EIF2D: variants seen among roughly 807,000 people sequenced by gnomAD.
The protein encoded by EIF2D is eukaryotic translation initiation factor 2D, also known as hepatocellular carcinoma-associated antigen 56.
EIF2D carries 56 observed loss-of-function variants against 77.4 expected under a neutral mutation model. That is an observed-to-expected ratio of 0.72 (90% CI 0.58 to 0.90). The LOEUF is 0.90. Among genes scored for constraint, EIF2D ranks in the 40% least tolerant of loss-of-function variants. The pLI, the probability that EIF2D is intolerant of heterozygous loss-of-function variation, is 0.00. For synonymous variants in EIF2D, 230 were observed against 271.0 expected (o/e 0.85, Z 1.49); for missense variants, 574 against 706.5 (o/e 0.81, Z 2.13).
intron 7 of EIF2D, chr1:206,600,781 T>C (rs1553411160): frequency 6.4e-6 from 1 of 155,454 alleles, no homozygotes; most frequent in East Asian, 1.9e-4. Flanking sequence ...AGGCCTGGAG[T>C]GGGGCCCAGC....
chr1:206,576,353 A>C (rs1668657932), intron 4 of EIF2D, among the ~76,000 whole-genome samples: 2 of 152,292 alleles, frequency 1.3e-5, no homozygotes, highest in South Asian at 4.1e-4. Context: ...GAGTCACAGA[A>C]CCAGGGGGTG....
At chr1:206,580,500 G>A (rs1324653097) in intron 4 of EIF2D, among the ~76,000 whole-genome samples, 1 of 152,206 alleles carries the variant, frequency 6.6e-6, no homozygotes, top group Non-Finnish European at 1.5e-5. Context: ...AGGTATAGGG[G>A]TAGGGCCAGG....
intron 2 of EIF2D, among the ~76,000 whole-genome samples, chr1:206,610,524 A>T (rs369672280): frequency 6.6e-6 from 1 of 151,090 alleles, no homozygotes; most frequent in African/African-American, 2.4e-5. Flanking sequence ...GTCTCTAAAA[A>T]ATATATATAT....
chr1:206,594,942 A>C (rs1669576251), intron 13 of EIF2D: 1 of 152,202 alleles, frequency 6.6e-6, no homozygotes, highest in Non-Finnish European at 1.5e-5. Context: ...TTGAGAACCA[A>C]GTATTTATAT....
At chr1:206,595,951 G>A in intron 12 of EIF2D, 113 bp from the exon 13 acceptor site, 1 of 1,424,780 alleles carries the variant, frequency 7.0e-7, no homozygotes, top group Non-Finnish European at 9.6e-7. Context: ...CCACAACCTT[G>A]GCTGCACATT....
At chr1:206,596,309 A>G (rs1189241981) in intron 12 of EIF2D, among the ~76,000 whole-genome samples, 1 of 152,254 alleles carries the variant, frequency 6.6e-6, no homozygotes, top group Non-Finnish European at 1.5e-5. Context: ...GCTATCACAT[A>G]TATCAGGATC....
At chr1:206,589,207 A>G, downstream of EIF2D, 1 of 152,578 alleles carries the variant, frequency 6.6e-6, no homozygotes, top group South Asian at 2.1e-4. Context: ...TTTCCAGGAT[A>G]TTTTCTTTTT....
intron 5 of EIF2D, chr1:206,603,544 T>C: frequency 4.6e-6 from 1 of 217,694 alleles, no homozygotes; most frequent in Non-Finnish European, 9.1e-6. Flanking sequence ...TTCATCTGAG[T>C]TAATAACAAA....
rs370090568 is a variant in EIF2D, at chr1:206,575,188, A to G, written c.*255-2489T>C. 5.3e-5 allele frequency among the ~76,000 whole-genome samples: 8 copies of G among 152,198 alleles called. No individual in the cohort carries two copies. The East Asian group carries it at 9.6e-4, about 18-fold the overall frequency. On this transcript the variant is annotated intron_variant and NMD_transcript_variant, in intron 4 of 5. Transcript: ENST00000472709. ...CTGCCCCTTGCCTGCAGACGTTCCCATCTAGGGCAAGCACAACAGAAGCAC... is the reference window on the plus strand; with the variant it reads ...CTGCCCCTTGCCTGCAGACGTTCCCGTCTAGGGCAAGCACAACAGAAGCAC...
intron 11 of EIF2D, among the ~76,000 whole-genome samples, chr1:206,597,757 CA>C (rs1387184721): frequency 1.3e-5 from 2 of 152,058 alleles, no homozygotes; most frequent in Non-Finnish European, 2.9e-5. Context: ...CTAGCCTGGC[CA>C]ACATGGTGAA....
intron 12 of EIF2D, 149 bp from the exon 13 acceptor site, chr1:206,595,987 T>C: frequency 1.8e-6 from 2 of 1,121,380 alleles, no homozygotes; most frequent in South Asian, 3.0e-5. Flanking sequence ...CCTAGGGAGC[T>C]ACAGCCCAGA....
At chr1:206,588,399 ATAAAT>A (rs1669216591), downstream of EIF2D, 2 of 152,366 alleles carry the variant, frequency 1.3e-5, no homozygotes, top group Non-Finnish European at 1.5e-5. Context: ...GAATCCTAAA[ATAAAT>A]TAGTCAAAAA....
chr1:206,611,684 G>A, intron 1 of EIF2D, among the ~76,000 whole-genome samples: 1 of 152,102 alleles, frequency 6.6e-6, no homozygotes, highest in East Asian at 1.9e-4. Flanking sequence ...CTAGCCCTTG[G>A]GCCCACTCCT....
At chr1:206,583,867 C>T (rs1668992496) in intron 2 of EIF2D, among the ~76,000 whole-genome samples, 1 of 152,188 alleles carries the variant, frequency 6.6e-6, no homozygotes, top group Non-Finnish European at 1.5e-5. Context: ...CTGCTGGTGG[C>T]TGGCATCAGC....
chr1:206,611,934 TGGTATCCCATCCGATCTCTCCC>T (rs1670515866), intron 1 of EIF2D, among the ~76,000 whole-genome samples: 1 of 152,226 alleles, frequency 6.6e-6, no homozygotes, highest in African/African-American at 2.4e-5. Flanking sequence ...TTTTAATTCT[TGGTATCCCATCCGATCTCTCCC>T]AAGGGGCATT....
At chr1:206,585,583 A>G (rs1158987579) in intron 2 of EIF2D, 4 of 253,736 alleles carry the variant, frequency 1.6e-5, no homozygotes, top group Admixed American at 5.0e-5. Context: ...GGACCAAGAA[A>G]CTCCCTGTGC....
In EIF2D at chr1:206,584,778, T is replaced by C. The variant is rs1026822249; in HGVS notation, c.139-3616A>G. The C allele has an allele frequency of 4.3e-6, 6 of 1,382,790 alleles. No homozygotes were observed. In the Admixed American group the frequency reaches 7.9e-5, roughly 18 times the overall value. 85.7% of individuals were successfully genotyped at this position (1,382,790 alleles called of 1,614,324 possible). A position where few individuals can be genotyped will look rare whatever the true frequency, so the allele number is the denominator to read the frequency against. On this transcript the variant is annotated intron_variant and NMD_transcript_variant, in intron 2 of 5. Transcript: ENST00000472709. This position sits in a 1 kb window ranked among gnomAD's most constrained non-coding sequence, Gnocchi z 4.9. The stretch of plus-strand genomic sequence containing the variant: ...TCCTGCCGGCCTTGGGTGGGAGCTG[T>C]GGGCTTCTCCTGAGCACCAGGGGTC...
At chr1:206,606,464 T>A (rs1670206866) in intron 4 of EIF2D, among the ~76,000 whole-genome samples, 1 of 151,970 alleles carries the variant, frequency 6.6e-6, no homozygotes, top group Non-Finnish European at 1.5e-5. Flanking sequence ...CCACAAACCA[T>A]CCATAGCTCC....
intron 4 of EIF2D, among the ~76,000 whole-genome samples, chr1:206,580,329 C>A (rs901172400): frequency 6.6e-6 from 1 of 152,140 alleles, no homozygotes; most frequent in East Asian, 1.9e-4. Context: ...GAGATCTTTC[C>A]GAAGCTTCTA....
Sources: gnomAD v4.1 joint callset for allele counts (sites outside exome capture counted in the v4.1 genomes callset) on GRCh38, gnomAD v4.1.1 for gene constraint, Gnocchi (gnomAD v3.1) non-coding constraint, MANE v1.5 for transcripts, NCBI Gene and HGNC (gene_info 2026-07-23, HGNC 2026-07-21) for gene names.